The following MASTL variants were observed in gnomAD, a reference collection of about 807,000 sequenced individuals.
MASTL encodes microtubule associated serine/threonine kinase like.
In MASTL, 54 loss-of-function variants were observed where a neutral mutation model predicts 82.5. The ratio of observed to expected loss-of-function variants is 0.65; its 90% CI spans 0.53 to 0.82. The LOEUF (loss-of-function observed/expected upper bound fraction) is 0.82, where lower values mean the gene tolerates loss of function less well. MASTL is among the 40% of genes least tolerant of loss of function. The pLI, the probability that MASTL is intolerant of heterozygous loss-of-function variation, is 0.00. For synonymous variants in MASTL, 323 were observed against 368.9 expected (o/e 0.88, Z 1.43); for missense variants, 950 against 1,047.8 (o/e 0.91, Z 1.29).
At position 27,165,982 on chromosome 10, in the gene MASTL, G is replaced by A. The variant is rs372638958; in HGVS notation, c.811+443G>A. Among the ~76,000 whole-genome samples, 18 of 152,096 alleles carry A rather than the reference G, an allele frequency of 1.2e-4. No homozygotes were observed. In the South Asian group the frequency reaches 1.2e-3, roughly 11 times the overall value. On this transcript the variant is annotated intron_variant, in intron 6 of 11. Coordinates refer to ENST00000375940, the MANE Select transcript of MASTL (RefSeq NM_001172303.3). Reference sequence around the variant, plus strand: ...AGCAGTTTGGGCAGCCGAGGCGGGCGGATCCCTTAAGGTCAGGAGTTCGAG... The same window carrying A: ...AGCAGTTTGGGCAGCCGAGGCGGGCAGATCCCTTAAGGTCAGGAGTTCGAG...
intron 9 of MASTL, among the ~76,000 whole-genome samples, chr10:27,174,491 TG>T (rs1366779154): frequency 1.3e-5 from 2 of 152,296 alleles, no homozygotes; most frequent in Admixed American, 1.3e-4. Context: ...TAGCACAAAC[TG>T]GGTGTCTCAA....
At chr10:27,160,289 G>A (rs1219304876) in intron 3 of MASTL, among the ~76,000 whole-genome samples, 2 of 146,086 alleles carry the variant, frequency 1.4e-5, no homozygotes, top group Non-Finnish European at 3.0e-5. Context: ...GAGCTACCAC[G>A]GCCCATTAAG....
At position 27,169,219 on chromosome 10, in the gene MASTL, T is replaced by C. The variant is rs192605291; in HGVS notation, c.985-725T>C. On this transcript the variant is annotated intron_variant, in intron 7 of 11. Transcript: ENST00000375940. The stretch of plus-strand genomic sequence containing the variant: ...TTACACTGACAATATTTTAGGTCTA[T>C]AATTTTTCATTGACTAAATTTCAAG... 3.9e-5 allele frequency among the ~76,000 whole-genome samples: 6 copies of C among 152,312 alleles called. No homozygotes were observed. The East Asian group carries it at 7.7e-4, about 20-fold the overall frequency.
intron 4 of MASTL, among the ~76,000 whole-genome samples, chr10:27,162,980 G>T (rs1299250746): frequency 6.6e-6 from 1 of 151,906 alleles, no homozygotes; most frequent in Non-Finnish European, 1.5e-5. Context: ...GCAATGGCGT[G>T]ATCTCGGCTC....
At chr10:27,165,236 C>A in intron 5 of MASTL, 66 bp downstream of exon 5, 1 of 1,401,668 alleles carries the variant, frequency 7.1e-7, no homozygotes, top group Non-Finnish European at 1.0e-6. Context: ...AATTTAAAAT[C>A]ACCTTTAAAA....
rs1213443971 is a variant in MASTL, at chr10:27,187,362, AACAAAAAG to A, written c.*829_*836del. 6.6e-6 allele frequency among the ~76,000 whole-genome samples: 1 copy of A among 152,240 alleles called. No homozygotes were observed. The highest frequency in any genetic ancestry group is 1.5e-5 in the Non-Finnish European group (1 of 68,044). Reference sequence around the variant, plus strand: ...TAACTCCTTTGGGGAATAAGGAATAAACAAAAAGACTAAGGCTTTCACTTACTTTACTA... The same window carrying A: ...TAACTCCTTTGGGGAATAAGGAATAAACTAAGGCTTTCACTTACTTTACTA... On this transcript the variant is annotated 3_prime_UTR_variant, in exon 12 of 12. Transcript: ENST00000375940.
At chr10:27,174,471 A>AG in intron 9 of MASTL, among the ~76,000 whole-genome samples, 1 of 152,238 alleles carries the variant, frequency 6.6e-6, no homozygotes, top group Middle Eastern at 3.4e-3. Flanking sequence ...TCATCTTCCT[A>AG]GGGATGCTGT....
At chr10:27,157,875 A>C (rs1164931329) in intron 1 of MASTL, among the ~76,000 whole-genome samples, 1 of 152,148 alleles carries the variant, frequency 6.6e-6, no homozygotes, top group Non-Finnish European at 1.5e-5. Context: ...GAAGTTAAAA[A>C]AAAAAATTAA....
intron 1 of MASTL, among the ~76,000 whole-genome samples, chr10:27,157,775 CT>C (rs1465760619): frequency 1.3e-5 from 2 of 151,660 alleles, no homozygotes; most frequent in African/African-American, 2.4e-5. Flanking sequence ...TTCAGTAGTT[CT>C]AATCATTCCA....
At chr10:27,154,571 CGTTT>C, upstream of MASTL, 1 of 370,288 alleles carries the variant, frequency 2.7e-6, no homozygotes, top group Non-Finnish European at 4.8e-6. Context: ...ACTTTTTCTT[CGTTT>C]TTTTTTTTTT....
Position 27,159,657 on chromosome 10 carries a change from C to G in MASTL, c.363C>G (p.Leu121=). ...TTATTGGGGGAGATGTCAAGTCTCT[C>G]CTACATATATATGGTTATTTTGATG... ...EYLIGGDVKS[L]LHIYGYFDEE... Residue 121 remains leucine, a synonymous_variant, in exon 3 of 12, where the codon CTC becomes CTG. Transcript: ENST00000375940. This position sits in a 1 kb window ranked among gnomAD's most constrained non-coding sequence, Gnocchi z 4.0. 2.6e-6 allele frequency: 4 copies of G among 1,567,074 alleles called. No homozygotes were observed. Among genetic ancestry groups the G allele is most frequent in the Non-Finnish European group, 3.5e-6 (4 of 1,137,454 alleles).
intron 11 of MASTL, among the ~76,000 whole-genome samples, chr10:27,182,882 A>T (rs888952906): frequency 3.3e-5 from 5 of 152,004 alleles, no homozygotes; most frequent in African/African-American, 1.2e-4. Context: ...TCCTGGGCTC[A>T]AAGGATCCTC....
Position 27,171,083 on chromosome 10 carries a change from G to T in MASTL, c.2124G>T (p.Gln708His), listed in dbSNP as rs1346697389. The change falls in exon 8 of 12, where the codon CAG becomes CAT. Residue 708 changes from glutamine (Q) to histidine (H), a missense_variant and splice_region_variant. Physicochemically the swap from Gln to His is conservative, Grantham distance 24. Transcript: ENST00000375940. ...AAAGAAGATCCTGTATGCCACATCAGGTATATTTATAACTTTCTAATACTG... is the reference window on the plus strand; with the variant it reads ...AAAGAAGATCCTGTATGCCACATCATGTATATTTATAACTTTCTAATACTG... ...TQKRRSCMPH[Q>H]QTPNQIKSGT... 1 of 1,613,114 alleles carries T rather than the reference G, an allele frequency of 6.2e-7. No individual in the cohort carries two copies.
chr10:27,174,357 AAAAAAT>A (rs923024042), intron 9 of MASTL, among the ~76,000 whole-genome samples: 12 of 152,016 alleles, frequency 7.9e-5, no homozygotes, highest in African/African-American at 1.7e-4. Context: ...TCTGTCTAAA[AAAAAAT>A]AAAAATAAAA....
chr10:27,162,887 A>T (rs887327836), intron 4 of MASTL, among the ~76,000 whole-genome samples: 2 of 152,082 alleles, frequency 1.3e-5, no homozygotes, highest in Non-Finnish European at 2.9e-5. Context: ...AATCTGATCT[A>T]TGCTGATGTA....
chr10:27,156,989 G>C (rs1053817044), intron 1 of MASTL, among the ~76,000 whole-genome samples: 1 of 151,332 alleles, frequency 6.6e-6, no homozygotes, highest in Non-Finnish European at 1.5e-5. Flanking sequence ...TTTTAGTAGA[G>C]ACGGGGTTTC....
chr10:27,175,839 G>A (rs1190043966), intron 9 of MASTL, among the ~76,000 whole-genome samples: 1 of 152,150 alleles, frequency 6.6e-6, no homozygotes, highest in East Asian at 1.9e-4. Flanking sequence ...GCACATGGCT[G>A]TAATCCCAGC....
At chr10:27,165,316 A>C (rs887176450) in intron 5 of MASTL, 73 bp from the exon 6 acceptor site, 1 of 1,494,426 alleles carries the variant, frequency 6.7e-7, no homozygotes, top group African/African-American at 1.4e-5. Flanking sequence ...CTTAGGTGGT[A>C]TAACAGTCTA....
In MASTL at chr10:27,186,564, T is replaced by TCGTTATAGAA. The variant is rs1364319609; in HGVS notation, c.*28_*29insCGTTATAGAA. On this transcript the variant is annotated 3_prime_UTR_variant, in exon 12 of 12. Transcript: ENST00000375940. ...CAAAAATTTTCCTTTTAGTCTAGCC[T>TCGTTATAGAA]TGTGTTATAGAATGAACTTGCATAA... 6.3e-7 allele frequency: 1 copy of TCGTTATAGAA among 1,589,732 alleles called. No individual in the cohort carries two copies. The highest frequency in any genetic ancestry group is 8.6e-7 in the Non-Finnish European group (1 of 1,157,560).
Sources: gnomAD v4.1 joint callset for allele counts (sites outside exome capture counted in the v4.1 genomes callset) on GRCh38, gnomAD v4.1.1 for gene constraint, Gnocchi (gnomAD v3.1) non-coding constraint, MANE v1.5 for transcripts, NCBI Gene and HGNC (gene_info 2026-07-23, HGNC 2026-07-21) for gene names.